Variants in WAC observed in about 807,000 individuals in gnomAD.
WAC encodes the protein WW domain-containing adapter protein with coiled-coil.
In WAC, 11 loss-of-function variants were observed where a neutral mutation model predicts 79.6. The observed-to-expected ratio is 0.14, with a 90% CI of 0.09 to 0.23. The LOEUF (loss-of-function observed/expected upper bound fraction) is 0.23. Among genes scored for constraint, WAC ranks in the 10% least tolerant of loss-of-function variants. WAC has a pLI of 1.00. For missense variants in WAC, 728 were observed against 773.5 expected (o/e 0.94, Z 0.70); for synonymous variants, 304 against 276.9 (o/e 1.10, Z -0.97).
chr10:28,596,096 T>C lies in WAC; in HGVS notation c.919+55T>C. ...TGAACTATAGTTTCTAAGTTTCTTCTAAGTTTCTTATATATTACATTATTT... is the reference window on the plus strand; with the variant it reads ...TGAACTATAGTTTCTAAGTTTCTTCCAAGTTTCTTATATATTACATTATTT... On this transcript the variant is annotated intron_variant, in intron 7 of 13. Transcript: ENST00000354911. 3 of 1,510,014 alleles carry C rather than the reference T, an allele frequency of 2.0e-6. No homozygotes were observed. The South Asian group carries it at 3.9e-5, about 20-fold the overall frequency. 93.5% of individuals were successfully genotyped at this position (1,510,014 alleles called of 1,614,324 possible). A position where few individuals can be genotyped will look rare whatever the true frequency, so the allele number is the denominator to read the frequency against.
intron 3 of WAC, among the ~76,000 whole-genome samples, chr10:28,553,072 G>T (rs950270490): frequency 6.6e-6 from 1 of 151,962 alleles, no homozygotes; most frequent in Non-Finnish European, 1.5e-5. Flanking sequence ...GTGTGGAGAC[G>T]AATGGAATAT....
At chr10:28,568,346 A>G (rs1838764034) in intron 3 of WAC, among the ~76,000 whole-genome samples, 2 of 152,160 alleles carry the variant, frequency 1.3e-5, no homozygotes, top group Non-Finnish European at 2.9e-5. Flanking sequence ...GATAACTTTC[A>G]TATGATTATT....
At chr10:28,569,113 T>C (rs2132536074) in intron 3 of WAC, among the ~76,000 whole-genome samples, 1 of 152,316 alleles carries the variant, frequency 6.6e-6, no homozygotes, top group East Asian at 1.9e-4. Flanking sequence ...TGATTCTATT[T>C]TTGGTTACAA....
rs1307334245 is a variant in WAC, at chr10:28,554,092, T to C, written c.274+18335T>C. On this transcript the variant is annotated intron_variant, in intron 3 of 13. Coordinates refer to ENST00000354911, the MANE Select transcript of WAC (RefSeq NM_016628.5). Reference sequence around the variant, plus strand: ...CATGTTGGTCAGGCTGGTCTCGAACTCCTGACCTCAAGTGATCTGCCCGCC... The same window carrying C: ...CATGTTGGTCAGGCTGGTCTCGAACCCCTGACCTCAAGTGATCTGCCCGCC... 2.6e-5 allele frequency among the ~76,000 whole-genome samples: 4 copies of C among 152,184 alleles called. No homozygotes were observed. The East Asian group carries it at 5.8e-4, about 22-fold the overall frequency.
At position 28,533,649 on chromosome 10, in the gene WAC, C is replaced by T. The variant is rs749401359; in HGVS notation, c.41+29C>T. Reference sequence around the variant, plus strand: ...AATTGTCTTTTCGTTTCGGGCCGGGCGGCGGCGGGGGGCGGCGGCGGGGGG... The same window carrying T: ...AATTGTCTTTTCGTTTCGGGCCGGGTGGCGGCGGGGGGCGGCGGCGGGGGG... On this transcript the variant is annotated intron_variant, in intron 1 of 13. Coordinates refer to ENST00000354911, the MANE Select transcript of WAC (RefSeq NM_016628.5). 3.3e-5 allele frequency: 50 copies of T among 1,504,766 alleles called. No individual in the cohort carries two copies. In the African/African-American group the frequency reaches 5.7e-4, roughly 17 times the overall value. 93.2% of individuals were successfully genotyped at this position (1,504,766 alleles called of 1,614,324 possible). A position where few individuals can be genotyped will look rare whatever the true frequency, so the allele number is the denominator to read the frequency against.
At chr10:28,558,914 T>C (rs914146668) in intron 3 of WAC, among the ~76,000 whole-genome samples, 3 of 152,150 alleles carry the variant, frequency 2.0e-5, no homozygotes, top group Admixed American at 6.5e-5. Context: ...TATCAGAAAA[T>C]CCTAGAATGA....
At chr10:28,589,390 A>C (rs1839981346) in intron 4 of WAC, 1 of 171,370 alleles carries the variant, frequency 5.8e-6, no homozygotes, top group South Asian at 1.4e-4. Context: ...CATCTAGTCG[A>C]GAGTGCATTC....
intron 13 of WAC, chr10:28,618,012 C>T: frequency 3.0e-6 from 1 of 332,966 alleles, no homozygotes. Context: ...CTCATAACTC[C>T]ATAAGCTGCA....
Position 28,533,619 on chromosome 10 carries a change from G to A in WAC, c.40G>A (p.Gly14Ser), listed in dbSNP as rs1423691540. The change falls in exon 1 of 14, where the codon GGC becomes AGC. Residue 14 changes from glycine to serine, a missense_variant and splice_region_variant. Gly to Ser is a moderately conservative substitution (Grantham distance 56). Around this residue, in one of 3 missense-constraint regions of WAC, gnomAD observed 648 missense variants for 661.5 expected, o/e 0.98. Coordinates refer to ENST00000354911, the MANE Select transcript of WAC (RefSeq NM_016628.5). The part of the protein sequence containing the change: ...YARKQQRLSD[G>S]CHDRRGDSQP... The stretch of plus-strand genomic sequence containing the variant: ...GAGGAAACAGCAGAGACTCAGTGAT[G>A]GGTAAATTGTCTTTTCGTTTCGGGC... 3.7e-6 allele frequency: 6 copies of A among 1,601,578 alleles called. No homozygotes were observed. Among genetic ancestry groups the A allele is most frequent in the Admixed American group, 1.7e-5 (1 of 59,416 alleles).
intron 3 of WAC, among the ~76,000 whole-genome samples, chr10:28,553,867 A>G (rs2132440779): frequency 6.6e-6 from 1 of 152,244 alleles, no homozygotes; most frequent in South Asian, 2.1e-4. Flanking sequence ...TAAGTAATCT[A>G]GAGATTTTTT....
chr10:28,555,725 G>GGC (rs747517023), intron 3 of WAC, among the ~76,000 whole-genome samples: 6 of 152,220 alleles, frequency 3.9e-5, no homozygotes, highest in Non-Finnish European at 7.4e-5. Context: ...TTGGGCCTTT[G>GGC]GCAAGTAATT....
intron 3 of WAC, among the ~76,000 whole-genome samples, chr10:28,548,567 C>T (rs7072806): frequency 0.023 from 3,459 of 152,010 alleles, 144 homozygotes; most frequent in African/African-American, 0.078. Flanking sequence ...TTTTTCATAG[C>T]TTTTTGTGAT....
intron 3 of WAC, among the ~76,000 whole-genome samples, chr10:28,549,207 G>C (rs908908494): frequency 6.6e-6 from 1 of 152,086 alleles, no homozygotes; most frequent in African/African-American, 2.4e-5. Context: ...ACAAGTTTTT[G>C]ATTTTTTATG....
chr10:28,570,946 C>CTTTTT (rs139500035), intron 3 of WAC, among the ~76,000 whole-genome samples: 1 of 64,504 alleles, frequency 1.6e-5, no homozygotes, highest in Non-Finnish European at 2.7e-5. Flanking sequence ...TAAAGATATA[C>CTTTTT]TTTTTTTTTT....
intron 3 of WAC, among the ~76,000 whole-genome samples, chr10:28,546,095 T>C (rs1837335517): frequency 6.6e-6 from 1 of 152,222 alleles, no homozygotes; most frequent in Admixed American, 6.5e-5. Context: ...ATTTAGATAG[T>C]GTTAGTCTTT....
intron 10 of WAC, among the ~76,000 whole-genome samples, chr10:28,612,635 A>C (rs2132839614): frequency 6.6e-6 from 1 of 152,310 alleles, no homozygotes; most frequent in Non-Finnish European, 1.5e-5. Context: ...AGAAGCCCAA[A>C]AATAAAAATG....
intron 3 of WAC, among the ~76,000 whole-genome samples, chr10:28,555,410 A>G (rs939511309): frequency 1.4e-5 from 2 of 145,980 alleles, no homozygotes; most frequent in African/African-American, 5.1e-5. Flanking sequence ...TTATTCAGTG[A>G]TACTTGTTTA....
At chr10:28,583,551 G>GAAAA in intron 4 of WAC, 46 bp downstream of exon 4, 1 of 874,382 alleles carries the variant, frequency 1.1e-6, no homozygotes, top group South Asian at 3.5e-5. Context: ...GGAATTTTTT[G>GAAAA]CAAAAAAAAA....
At chr10:28,581,688 G>C (rs1194797915) in intron 3 of WAC, among the ~76,000 whole-genome samples, 2 of 152,012 alleles carry the variant, frequency 1.3e-5, no homozygotes, top group Non-Finnish European at 2.9e-5. Flanking sequence ...AGCCTCCCGA[G>C]TAGCTGGGAC....
Sources: gnomAD v4.1 joint callset for allele counts (sites outside exome capture counted in the v4.1 genomes callset) on GRCh38, gnomAD v4.1.1 for gene constraint, gnomAD v4.1.1 regional missense constraint, MANE v1.5 for transcripts, NCBI Gene and HGNC (gene_info 2026-07-23, HGNC 2026-07-21) for gene names.